The following ADGRG7 variants were observed in gnomAD, a reference collection of about 807,000 sequenced individuals.
ADGRG7 encodes the protein G-protein coupled receptor 128.
Under a neutral mutation model 88.6 loss-of-function variants are expected in ADGRG7, and 82 were observed. The observed-to-expected ratio is 0.93, with a 90% CI of 0.77 to 1.11. ADGRG7 has a LOEUF of 1.11. ADGRG7 is among the 50% of genes most tolerant of loss of function. ADGRG7 has a pLI of 0.00. For missense variants in ADGRG7, 945 were observed against 953.4 expected (o/e 0.99, Z 0.12); for synonymous variants, 381 against 345.2 (o/e 1.10, Z -1.15).
rs1318771186 is a variant in ADGRG7, at chr3:100,641,317, C to T, written c.699-1949C>T. ...TCTATATAAGGCTTTCTATATAAGGCTTATAGTAATGCATGGTTATAGTAA... is the reference window on the plus strand; with the variant it reads ...TCTATATAAGGCTTTCTATATAAGGTTTATAGTAATGCATGGTTATAGTAA... On this transcript the variant is annotated intron_variant, in intron 6 of 15. Transcript: ENST00000273352. Among the ~76,000 whole-genome samples, 7 of 151,202 alleles carry T rather than the reference C, an allele frequency of 4.6e-5. No individual in the cohort carries two copies. In the East Asian group the frequency reaches 1.4e-3, roughly 29 times the overall value.
At chr3:100,611,253 TTCCTTCC>T (rs1559666808) in intron 1 of ADGRG7, among the ~76,000 whole-genome samples, 1 of 106,730 alleles carries the variant, frequency 9.4e-6, no homozygotes, top group Non-Finnish European at 1.9e-5. Flanking sequence ...TTTTCCTTCC[TTCCTTCC>T]TTCCTTCCTT....
At chr3:100,678,666 C>T (rs2094968823) in intron 15 of ADGRG7, among the ~76,000 whole-genome samples, 1 of 152,160 alleles carries the variant, frequency 6.6e-6, no homozygotes, top group South Asian at 2.1e-4. Flanking sequence ...TAGGGGGCAC[C>T]CCAAGTCCAG....
chr3:100,659,285 A>G (rs2149030996), intron 13 of ADGRG7, among the ~76,000 whole-genome samples: 1 of 151,622 alleles, frequency 6.6e-6, no homozygotes, highest in Middle Eastern at 3.4e-3. Flanking sequence ...AAAAAATACA[A>G]AAAAATCAGC....
At chr3:100,686,248 T>G (rs2094982432) in intron 15 of ADGRG7, among the ~76,000 whole-genome samples, 1 of 152,318 alleles carries the variant, frequency 6.6e-6, no homozygotes, top group South Asian at 2.1e-4. Context: ...TAAATTTGTT[T>G]GAGTTCATTA....
chr3:100,680,463 A>G (rs1434664727), intron 15 of ADGRG7, among the ~76,000 whole-genome samples: 2 of 152,174 alleles, frequency 1.3e-5, no homozygotes, highest in East Asian at 3.9e-4. Flanking sequence ...GTATTTTTTT[A>G]TATGGGTTAA....
Position 100,694,892 on chromosome 3 carries a change from T to A in ADGRG7, c.2285T>A (p.Phe762Tyr). 6.2e-7 allele frequency: 1 copy of A among 1,614,190 alleles called. No homozygotes were observed. The highest frequency in any genetic ancestry group is 8.5e-7 in the Non-Finnish European group (1 of 1,180,040). ...AGGCTGCGTGTAAAGATGTATAATTTCCTCAGGTCATTGCCAACCTTACAT... is the reference window on the plus strand; with the variant it reads ...AGGCTGCGTGTAAAGATGTATAATTACCTCAGGTCATTGCCAACCTTACAT... ...RPRLRVKMYN[F>Y]LRSLPTLHER... Residue 762 changes from phenylalanine to tyrosine, a missense_variant, in exon 16 of 16, where the codon TTC becomes TAC. By Grantham distance (22) the Phe-to-Tyr change is conservative. Transcript: ENST00000273352.
chr3:100,646,090 C>A lies in ADGRG7; in HGVS notation c.1092C>A (p.Asp364Glu), dbSNP rs1275419395. 1 of 1,613,504 alleles carries A rather than the reference C, an allele frequency of 6.2e-7. No individual in the cohort carries two copies. Among genetic ancestry groups the A allele is most frequent in the South Asian group, 1.1e-5 (1 of 91,020 alleles). ...AGCAAGATCAGAGTGCTTCTGTTGA[C>A]ATGGTCTTTAGTCCAAAGGTGAGTT... ...ENEQDQSASV[D>E]MVFSPKYNQK... is the part of the protein sequence containing the mutation. The change falls in exon 9 of 16, where the codon GAC becomes GAA. Residue 364 changes from aspartate (D) to glutamate (E), a missense_variant. Physicochemically the swap from Asp to Glu is conservative, Grantham distance 45. Transcript: ENST00000273352.
chr3:100,620,642 C>T (rs748528681), intron 1 of ADGRG7, among the ~76,000 whole-genome samples: 1 of 152,084 alleles, frequency 6.6e-6, no homozygotes, highest in Non-Finnish European at 1.5e-5. Flanking sequence ...GAATTCCTAC[C>T]TTATCAAACT....
At chr3:100,623,606 C>T (rs1490900901) in intron 1 of ADGRG7, among the ~76,000 whole-genome samples, 5 of 152,108 alleles carry the variant, frequency 3.3e-5, no homozygotes, top group Non-Finnish European at 5.9e-5. Context: ...CATAGGTATA[C>T]GTGTGCGCTG....
chr3:100,644,310 GA>G (rs1335213245), intron 8 of ADGRG7, among the ~76,000 whole-genome samples: 1 of 152,104 alleles, frequency 6.6e-6, no homozygotes, highest in Non-Finnish European at 1.5e-5. Flanking sequence ...TAAAAAAGAA[GA>G]GAGTATTATT....
intron 14 of ADGRG7, among the ~76,000 whole-genome samples, chr3:100,666,490 A>G (rs1272465272): frequency 2.0e-5 from 3 of 152,256 alleles, no homozygotes; most frequent in Non-Finnish European, 4.4e-5. Context: ...ATGCTTTACG[A>G]AGCAGTATTG....
chr3:100,695,217 T>A lies in ADGRG7; in HGVS notation c.*216T>A, dbSNP rs904418280. ...ATTTGTACTTGAATAAGGTGAAGAA[T>A]TTCACACAACATACAAGAGTACCAT... is the stretch of plus-strand genomic sequence containing the variant. On this transcript the variant is annotated 3_prime_UTR_variant, in exon 16 of 16. Coordinates refer to ENST00000273352, the MANE Select transcript of ADGRG7 (RefSeq NM_032787.3). 1 of 539,430 alleles carries A rather than the reference T, an allele frequency of 1.9e-6. No individual in the cohort carries two copies. The highest frequency in any genetic ancestry group is 1.9e-5 in the African/African-American group (1 of 52,856). The allele number at this position is 539,430 out of a possible 1,614,324, so 33.4% of individuals were successfully genotyped here.
chr3:100,643,627 A>G lies in ADGRG7; in HGVS notation c.940A>G (p.Thr314Ala), dbSNP rs1294922626. 1 of 1,608,670 alleles carries G rather than the reference A, an allele frequency of 6.2e-7. No individual in the cohort carries two copies. The highest frequency in any genetic ancestry group is 8.5e-7 in the Non-Finnish European group (1 of 1,176,026). The change falls in exon 8 of 16, where the codon ACG (threonine) becomes GCG (alanine). Residue 314 changes from threonine to alanine, a missense_variant. Thr to Ala is a moderately conservative substitution (Grantham distance 58). Transcript: ENST00000273352. ...QTELQVLLNM[T>A]KNYTKTCGFV... The stretch of plus-strand genomic sequence containing the variant: ...TGAGCTTCAGGTCTTGCTTAATATG[A>G]CGAAAAGTAAGTCTCAAACTTTGTG...
At chr3:100,652,422 A>AT (rs1304428494) in intron 11 of ADGRG7, among the ~76,000 whole-genome samples, 4 of 152,206 alleles carry the variant, frequency 2.6e-5, no homozygotes, top group Non-Finnish European at 4.4e-5. Context: ...AGGCATAGTA[A>AT]TAAACCTGGG....
intron 1 of ADGRG7, among the ~76,000 whole-genome samples, chr3:100,614,758 G>A (rs1300136885): frequency 1.3e-5 from 2 of 152,056 alleles, no homozygotes; most frequent in South Asian, 4.1e-4. Context: ...CTCTAATTTT[G>A]TCTAGGAGAA....
At chr3:100,648,728 A>G (rs1707799515) in intron 10 of ADGRG7, among the ~76,000 whole-genome samples, 1 of 152,186 alleles carries the variant, frequency 6.6e-6, no homozygotes, top group Non-Finnish European at 1.5e-5. Flanking sequence ...ATGCTTCTTT[A>G]TTATGCCTCT....
chr3:100,692,603 G>T (rs1176515771), intron 15 of ADGRG7, among the ~76,000 whole-genome samples: 2 of 152,158 alleles, frequency 1.3e-5, no homozygotes, highest in African/African-American at 4.8e-5. Flanking sequence ...ATGTGGCAAG[G>T]ACATGGAGCT....
At chr3:100,694,517 G>C (rs2094998943) in intron 15 of ADGRG7, among the ~76,000 whole-genome samples, 1 of 152,130 alleles carries the variant, frequency 6.6e-6, no homozygotes, top group African/African-American at 2.4e-5. Flanking sequence ...CCTGAACTCG[G>C]GTCTTCTATA....
chr3:100,671,573 G>A (rs1174547048), intron 15 of ADGRG7, among the ~76,000 whole-genome samples: 1 of 152,154 alleles, frequency 6.6e-6, no homozygotes, highest in Non-Finnish European at 1.5e-5. Context: ...GATCCCATTT[G>A]TCAATTTTGG....
Sources: gnomAD v4.1 joint callset for allele counts (sites outside exome capture counted in the v4.1 genomes callset) on GRCh38, gnomAD v4.1.1 for gene constraint, MANE v1.5 for transcripts, NCBI Gene and HGNC (gene_info 2026-07-23, HGNC 2026-07-21) for gene names.